Variants in AGBL1 observed in about 807,000 individuals in gnomAD.
AGBL1 encodes the protein AGBL carboxypeptidase 1, also known as cytosolic carboxypeptidase 4.
In AGBL1, 130 loss-of-function variants were observed where a neutral mutation model predicts 118.9. The observed-to-expected ratio is 1.09, with a 90% CI of 0.95 to 1.26. The LOEUF (loss-of-function observed/expected upper bound fraction) is 1.26. Among genes scored for constraint, AGBL1 ranks in the 50% most tolerant of loss-of-function variants. The pLI, the probability that AGBL1 is intolerant of heterozygous loss-of-function variation, is 0.00. For missense variants in AGBL1, 1,584 were observed against 1,298.1 expected, an observed-to-expected ratio of 1.22 and a Z score of -3.38; for synonymous variants, 555 against 478.9, an observed-to-expected ratio of 1.16 and a Z score of -2.08.
intron 22 of AGBL1, among the ~76,000 whole-genome samples, chr15:86,681,745 G>A (rs1245400927): frequency 1.3e-5 from 2 of 152,144 alleles, no homozygotes; most frequent in Admixed American, 6.6e-5. Context: ...AGAAAGTAAC[G>A]TGATTTAGGT....
intron 5 of AGBL1, among the ~76,000 whole-genome samples, chr15:86,214,970 G>C (rs199685330): frequency 2.0e-5 from 3 of 152,152 alleles, no homozygotes; most frequent in African/African-American, 7.2e-5. Flanking sequence ...ACAGCATCTG[G>C]ATAGAGTTGT....
chr15:86,919,095 A>G (rs1249735612), downstream of AGBL1, among the ~76,000 whole-genome samples: 1 of 152,206 alleles, frequency 6.6e-6, no homozygotes, highest in Non-Finnish European at 1.5e-5. Flanking sequence ...CCACATCAAT[A>G]TCAGCTAGTT....
intron 21 of AGBL1, among the ~76,000 whole-genome samples, chr15:86,578,106 C>A (rs1056764448): frequency 3.3e-5 from 5 of 152,182 alleles, no homozygotes; most frequent in Admixed American, 2.0e-4. Context: ...CACAGACACT[C>A]AACACCAGCC....
At chr15:86,592,807 AATT>A (rs1484063756) in intron 21 of AGBL1, among the ~76,000 whole-genome samples, 1 of 152,042 alleles carries the variant, frequency 6.6e-6, no homozygotes, top group Non-Finnish European at 1.5e-5. Context: ...AGCTGTAACT[AATT>A]ATTATTTTAG....
chr15:86,743,478 A>G (rs2077709557), intron 22 of AGBL1, among the ~76,000 whole-genome samples: 1 of 152,024 alleles, frequency 6.6e-6, no homozygotes, highest in South Asian at 2.1e-4. Context: ...CTGGCAAGAG[A>G]GCGTCCCCTG....
chr15:86,213,623 A>C (rs2078137384), intron 5 of AGBL1, among the ~76,000 whole-genome samples: 1 of 152,140 alleles, frequency 6.6e-6, no homozygotes, highest in South Asian at 2.1e-4. Context: ...TGTCCTGCCA[A>C]GTGAGGGAGC....
intron 18 of AGBL1, among the ~76,000 whole-genome samples, chr15:86,490,835 TC>T (rs67613246): frequency 1 from 152,232 of 152,232 alleles, 76,116 homozygotes; most frequent in Non-Finnish European, 1. Context: ...CAGCCACATC[TC>T]CCACCACTTA....
At chr15:86,477,267 C>T (rs975194114) in intron 18 of AGBL1, among the ~76,000 whole-genome samples, 2 of 151,692 alleles carry the variant, frequency 1.3e-5, no homozygotes, top group African/African-American at 4.9e-5. Flanking sequence ...CACAAAAAAA[C>T]CCTTCAAAAA....
At chr15:86,240,988 C>T (rs1222206575) in intron 6 of AGBL1, among the ~76,000 whole-genome samples, 1 of 152,112 alleles carries the variant, frequency 6.6e-6, no homozygotes, top group Non-Finnish European at 1.5e-5. Context: ...TAATGAGACT[C>T]AATACGTGTA....
intron 24 of AGBL1, among the ~76,000 whole-genome samples, chr15:87,005,245 A>G (rs756291903): frequency 6.6e-6 from 1 of 152,152 alleles, no homozygotes; most frequent in South Asian, 2.1e-4. Flanking sequence ...CTGCCTTGCT[A>G]GATTGGGGAA....
intron 22 of AGBL1, among the ~76,000 whole-genome samples, chr15:86,734,328 G>A (rs2141221552): frequency 6.6e-6 from 1 of 152,210 alleles, no homozygotes; most frequent in East Asian, 1.9e-4. Flanking sequence ...TGGCTAGAGT[G>A]GTAATGAAAT....
chr15:86,330,858 G>T (rs2080257626), intron 17 of AGBL1, among the ~76,000 whole-genome samples: 1 of 152,040 alleles, frequency 6.6e-6, no homozygotes, highest in Non-Finnish European at 1.5e-5. Context: ...TGGACGAATT[G>T]GAAGAATTTC....
chr15:86,979,724 C>G (rs1256072722), intron 23 of AGBL1, among the ~76,000 whole-genome samples: 1 of 152,002 alleles, frequency 6.6e-6, no homozygotes, highest in Admixed American at 6.5e-5. Flanking sequence ...AGGATGGTCT[C>G]GATCTCCTGA....
At position 86,256,708 on chromosome 15, in the gene AGBL1, C is replaced by T. The variant is rs367595356; in HGVS notation, c.736-145C>T. 109 of 725,590 alleles carry T rather than the reference C, an allele frequency of 1.5e-4. 1 individual carries two copies. The highest frequency in any genetic ancestry group is 4.7e-4 in the African/African-American group (26 of 55,772). 44.9% of individuals were successfully genotyped at this position (725,590 alleles called of 1,614,324 possible). On this transcript the variant is annotated intron_variant, in intron 7 of 22. Coordinates refer to ENST00000614907, the MANE Select transcript of AGBL1 (RefSeq NM_001386094.1). ...TGACATTCTACATTAAGGCTGTTTA[C>T]GGTCTGTCCATGCGTATAATTCATT...
intron 23 of AGBL1, among the ~76,000 whole-genome samples, chr15:86,986,442 T>A (rs1006607181): frequency 2.0e-5 from 3 of 152,214 alleles, no homozygotes; most frequent in African/African-American, 4.8e-5. Flanking sequence ...TGAAATCAGA[T>A]AGTCTTTCAA....
intron 22 of AGBL1, among the ~76,000 whole-genome samples, chr15:86,735,935 T>A (rs1345849967): frequency 6.6e-6 from 1 of 152,100 alleles, no homozygotes; most frequent in Non-Finnish European, 1.5e-5. Flanking sequence ...TTGATTCTCA[T>A]TGCTTATTCA....
chr15:86,995,755 GTGTT>G (rs1282290795), intron 24 of AGBL1, among the ~76,000 whole-genome samples: 2 of 152,102 alleles, frequency 1.3e-5, no homozygotes, highest in Admixed American at 6.5e-5. Flanking sequence ...TGAATTTTCT[GTGTT>G]TGTTTGGTTT....
chr15:86,628,441 C>T (rs557239251), intron 21 of AGBL1, among the ~76,000 whole-genome samples: 2 of 152,214 alleles, frequency 1.3e-5, no homozygotes, highest in South Asian at 2.1e-4. Flanking sequence ...CACTGATAGG[C>T]GCGTTGAATG....
At chr15:86,582,562 G>A (rs907963900) in intron 21 of AGBL1, among the ~76,000 whole-genome samples, 5 of 151,976 alleles carry the variant, frequency 3.3e-5, no homozygotes, top group East Asian at 1.9e-4. Flanking sequence ...ACATGCACAC[G>A]TATGTTTATT....
Sources: gnomAD v4.1 joint callset for allele counts (sites outside exome capture counted in the v4.1 genomes callset) on GRCh38, gnomAD v4.1.1 for gene constraint, MANE v1.5 for transcripts, NCBI Gene and HGNC (gene_info 2026-07-23, HGNC 2026-07-21) for gene names.